Variants in FARS2 observed in about 807,000 individuals in gnomAD.
The protein encoded by FARS2 is phenylalanine--tRNA ligase, mitochondrial.
In FARS2, 40 loss-of-function variants were observed where a neutral mutation model predicts 46.4. The observed-to-expected ratio is 0.86, with a 90% CI of 0.67 to 1.12. FARS2 has a LOEUF of 1.12. Ranked by LOEUF, FARS2 falls within the 50% of genes most tolerant of loss-of-function variation. FARS2 has a pLI of 0.00. For synonymous variants in FARS2, 234 were observed against 214.9 expected (o/e 1.09, Z -0.78); for missense variants, 513 against 567.9 (o/e 0.90, Z 0.98).
At chr6:5,682,304 G>A (rs1390701281) in intron 6 of FARS2, among the ~76,000 whole-genome samples, 2 of 152,150 alleles carry the variant, frequency 1.3e-5, no homozygotes, top group Non-Finnish European at 2.9e-5. Context: ...AGGAAGCAGG[G>A]AAAAAGAAAA....
rs988352605 is a variant in FARS2, at chr6:5,471,994, C to A, written c.904+40822C>A. ...TCAGAATAGTCCCCCAGCTCCTTAT[C>A]CCACATGGAGTTTTAATTTCCTTTT... On this transcript the variant is annotated intron_variant, in intron 4 of 6. Coordinates refer to ENST00000274680, the MANE Select transcript of FARS2 (RefSeq NM_006567.5). This position sits in a 1 kb window ranked among gnomAD's most constrained non-coding sequence, Gnocchi z 4.1. 6.6e-6 allele frequency among the ~76,000 whole-genome samples: 1 copy of A among 152,330 alleles called. No homozygotes were observed. Among genetic ancestry groups the A allele is most frequent in the Admixed American group, 6.5e-5 (1 of 15,308 alleles).
At chr6:5,753,587 C>T (rs1030807966) in intron 6 of FARS2, among the ~76,000 whole-genome samples, 1 of 152,182 alleles carries the variant, frequency 6.6e-6, no homozygotes, top group African/African-American at 2.4e-5. Context: ...ATCACCTCCC[C>T]ATGTAACATG....
At chr6:5,647,053 A>G (rs1433679564) in intron 6 of FARS2, among the ~76,000 whole-genome samples, 2 of 152,218 alleles carry the variant, frequency 1.3e-5, no homozygotes, top group African/African-American at 4.8e-5. Flanking sequence ...GAGCAGGAGA[A>G]TGAAAACAAT....
chr6:5,530,174 G>A (rs1183902156), intron 4 of FARS2, among the ~76,000 whole-genome samples: 1 of 152,164 alleles, frequency 6.6e-6, no homozygotes, highest in East Asian at 1.9e-4. Context: ...GTGTCACCTG[G>A]AGAAGGACAT....
intron 6 of FARS2, among the ~76,000 whole-genome samples, chr6:5,621,180 A>G (rs1314936831): frequency 6.6e-6 from 1 of 151,486 alleles, no homozygotes; most frequent in African/African-American, 2.4e-5. Context: ...TGCAACTCCT[A>G]GGCTCAAGTG....
At chr6:5,380,624 C>G (rs578180124) in intron 2 of FARS2, among the ~76,000 whole-genome samples, 2 of 152,132 alleles carry the variant, frequency 1.3e-5, no homozygotes, top group Non-Finnish European at 2.9e-5. Flanking sequence ...CGGTGCCACT[C>G]GCATAGTGTT....
At chr6:5,377,491 C>T (rs1315610417) in intron 2 of FARS2, among the ~76,000 whole-genome samples, 5 of 152,138 alleles carry the variant, frequency 3.3e-5, no homozygotes. Flanking sequence ...TAAGACGATT[C>T]ATAATGAGCC....
intron 2 of FARS2, among the ~76,000 whole-genome samples, chr6:5,387,037 G>A (rs944757742): frequency 2.6e-5 from 4 of 152,140 alleles, no homozygotes; most frequent in African/African-American, 4.8e-5. Flanking sequence ...GAAGGGAAGC[G>A]TGAAGAAGAC....
At position 5,368,843 on chromosome 6, in the gene FARS2, G is replaced by T. The variant is rs766227186; in HGVS notation, c.273G>T (p.Glu91Asp). 1 of 1,614,190 alleles carries T rather than the reference G, an allele frequency of 6.2e-7. No individual in the cohort carries two copies. The highest frequency in any genetic ancestry group is 8.5e-7 in the Non-Finnish European group (1 of 1,180,028). Residue 91 changes from glutamate to aspartate, a missense_variant, in exon 2 of 7, where the codon GAG (glutamate) becomes GAT (aspartate). Glu to Asp is a conservative substitution (Grantham distance 45). Transcript: ENST00000274680. ...QQHHPLWLIK[E>D]RVKEHFYKQY... ...ATCACCCTCTGTGGCTGATCAAGGA[G>T]AGGGTGAAGGAGCACTTCTACAAGC...
At chr6:5,750,766 G>T (rs1224329097) in intron 6 of FARS2, among the ~76,000 whole-genome samples, 1 of 152,154 alleles carries the variant, frequency 6.6e-6, no homozygotes, top group Non-Finnish European at 1.5e-5. Flanking sequence ...GCGTTTCTTG[G>T]TGGCTTCTTA....
rs1274777348 is a variant in FARS2, at chr6:5,431,042, G to A, written c.774G>A (p.Glu258=). ...TTTGTTTCTTTGGCAACTTTGCAGA[G>A]CTGGAGATAAGATGGGTAGACTGCT... The part of the protein sequence containing the change: ...TRLMAHLFGD[E]LEIRWVDCYF... The change falls in exon 4 of 7, where the codon GAG becomes GAA. Residue 258 remains glutamate (E), a splice_region_variant and synonymous_variant. Coordinates refer to ENST00000274680, the MANE Select transcript of FARS2 (RefSeq NM_006567.5). 3.1e-6 allele frequency: 5 copies of A among 1,613,418 alleles called. No individual in the cohort carries two copies. The highest frequency in any genetic ancestry group is 1.3e-5 in the African/African-American group (1 of 75,024).
At chr6:5,666,892 A>G (rs1275237772) in intron 6 of FARS2, among the ~76,000 whole-genome samples, 1 of 152,260 alleles carries the variant, frequency 6.6e-6, no homozygotes. Context: ...GCAACCATAC[A>G]AAAGAATGCG....
intron 4 of FARS2, among the ~76,000 whole-genome samples, chr6:5,534,867 A>G (rs996104443): frequency 6.6e-6 from 1 of 152,038 alleles, no homozygotes; most frequent in African/African-American, 2.4e-5. Flanking sequence ...GCGCACACAC[A>G]CACACACAGA....
Position 5,472,996 on chromosome 6 carries a change from A to G in FARS2, c.904+41824A>G, listed in dbSNP as rs569805544. Among the ~76,000 whole-genome samples the G allele has an allele frequency of 7.9e-4, 120 of 152,334 alleles. 1 individual carries two copies. Among genetic ancestry groups the G allele is most frequent in the African/African-American group, 2.8e-3 (118 of 41,580 alleles). On this transcript the variant is annotated intron_variant, in intron 4 of 6. Transcript: ENST00000274680. ...ATGAAGTATCTGCAAATATATATTC[A>G]TGGCCTAAAAGGGTAATGTTTGCAG...
chr6:5,713,565 C>G (rs1759310935), intron 6 of FARS2, among the ~76,000 whole-genome samples: 1 of 152,360 alleles, frequency 6.6e-6, no homozygotes, highest in Admixed American at 6.5e-5. Context: ...ATGACAACCT[C>G]TTACTCTTGT....
intron 5 of FARS2, among the ~76,000 whole-genome samples, chr6:5,601,089 G>C (rs1582551474): frequency 6.6e-6 from 1 of 152,262 alleles, no homozygotes; most frequent in Admixed American, 6.5e-5. Flanking sequence ...ACCAGGAAGA[G>C]GGCCTTCAAG....
intron 6 of FARS2, among the ~76,000 whole-genome samples, chr6:5,632,294 T>C (rs1289094175): frequency 2.0e-5 from 3 of 152,216 alleles, no homozygotes; most frequent in Non-Finnish European, 4.4e-5. Flanking sequence ...AAGGATATGC[T>C]ACAAATCTAT....
chr6:5,591,697 C>T lies in FARS2; in HGVS notation c.1066-21472C>T, dbSNP rs866445156. Among the ~76,000 whole-genome samples the T allele has an allele frequency of 6.3e-4, 96 of 152,342 alleles. 2 individuals are homozygous for T. The highest frequency in any genetic ancestry group is 2.2e-3 in the African/African-American group (93 of 41,588). ...CTCGCCCCGAGGATCCTTTCCCTTC[C>T]CACTCCTGCCATTATACAATCATCA... On this transcript the variant is annotated intron_variant, in intron 5 of 6. Coordinates refer to ENST00000274680, the MANE Select transcript of FARS2 (RefSeq NM_006567.5).
At chr6:5,529,061 A>G (rs535262193) in intron 4 of FARS2, among the ~76,000 whole-genome samples, 3 of 152,316 alleles carry the variant, frequency 2.0e-5, no homozygotes, top group East Asian at 3.9e-4. Context: ...AGAGTTTTCT[A>G]TTGCTTGCAG....
Sources: gnomAD v4.1 joint callset for allele counts (sites outside exome capture counted in the v4.1 genomes callset) on GRCh38, gnomAD v4.1.1 for gene constraint, Gnocchi (gnomAD v3.1) non-coding constraint, MANE v1.5 for transcripts, NCBI Gene and HGNC (gene_info 2026-07-23, HGNC 2026-07-21) for gene names.